Variants in CDKAL1 observed in about 807,000 individuals in gnomAD.
CDKAL1 encodes the protein threonylcarbamoyladenosine tRNA methylthiotransferase.
A neutral mutation model predicts 68.2 loss-of-function variants in CDKAL1; 32 were observed. The ratio of observed to expected loss-of-function variants is 0.47; its 90% CI spans 0.35 to 0.63. The LOEUF (loss-of-function observed/expected upper bound fraction) is 0.63. Among genes scored for constraint, CDKAL1 ranks in the 30% least tolerant of loss-of-function variants. The pLI is 0.00. For synonymous variants in CDKAL1, 234 were observed against 244.3 expected, an observed-to-expected ratio of 0.96 and a Z score of 0.39; for missense variants, 606 against 696.7, an observed-to-expected ratio of 0.87 and a Z score of 1.47.
intron 8 of CDKAL1, among the ~76,000 whole-genome samples, chr6:20,791,039 G>T (rs1193718511): frequency 6.6e-6 from 1 of 152,186 alleles, no homozygotes; most frequent in Non-Finnish European, 1.5e-5. Flanking sequence ...AATCCGGTCC[G>T]TGGATTTGAC....
At chr6:20,571,696 C>G (rs1764708481) in intron 4 of CDKAL1, among the ~76,000 whole-genome samples, 1 of 151,732 alleles carries the variant, frequency 6.6e-6, no homozygotes, top group Non-Finnish European at 1.5e-5. Context: ...AAATTACTCT[C>G]TAGACTGAGC....
chr6:21,129,577 G>T (rs892023349), intron 13 of CDKAL1, among the ~76,000 whole-genome samples: 1 of 148,656 alleles, frequency 6.7e-6, no homozygotes, highest in Admixed American at 6.8e-5. Flanking sequence ...GCTTCGATGT[G>T]TGTAGACTCA....
At chr6:20,840,321 G>T (rs1778124327) in intron 8 of CDKAL1, among the ~76,000 whole-genome samples, 1 of 152,026 alleles carries the variant, frequency 6.6e-6, no homozygotes, top group Non-Finnish European at 1.5e-5. Flanking sequence ...TTTTTTACAG[G>T]GATTGAGAGG....
chr6:20,872,880 T>G (rs1273542821), intron 9 of CDKAL1, among the ~76,000 whole-genome samples: 1 of 152,126 alleles, frequency 6.6e-6, no homozygotes, highest in Non-Finnish European at 1.5e-5. Context: ...TTTGAAAAAC[T>G]CGAGAATTTG....
At chr6:21,007,576 G>T (rs1767801831) in intron 11 of CDKAL1, among the ~76,000 whole-genome samples, 1 of 150,206 alleles carries the variant, frequency 6.7e-6, no homozygotes, top group Non-Finnish European at 1.5e-5. Context: ...CTTTTTACCA[G>T]TTCCAATAGC....
chr6:20,768,992 A>G (rs568451328), intron 7 of CDKAL1, among the ~76,000 whole-genome samples: 3 of 152,092 alleles, frequency 2.0e-5, no homozygotes, highest in Non-Finnish European at 2.9e-5. Flanking sequence ...TGCCATGGTA[A>G]GCCCCTGTTC....
chr6:20,584,783 G>A (rs919528167), intron 4 of CDKAL1, among the ~76,000 whole-genome samples: 4 of 152,174 alleles, frequency 2.6e-5, no homozygotes, highest in Non-Finnish European at 4.4e-5. Flanking sequence ...TAGTTATTTA[G>A]ACCTGCCGGA....
chr6:20,745,449 A>AT lies in CDKAL1; in HGVS notation c.468+5843dup, dbSNP rs902104708. 1.5e-4 allele frequency among the ~76,000 whole-genome samples: 23 copies of AT among 151,236 alleles called. No individual in the cohort carries two copies. In the East Asian group the frequency reaches 1.6e-3, roughly 10 times the overall value. ...CGAACATTTCTTCTTGCCATGTTCT[A>AT]TTTTTTTTTAACTTCCGTTGTCTAA... is the stretch of plus-strand genomic sequence containing the variant. On this transcript the variant is annotated intron_variant, in intron 6 of 15. Transcript: ENST00000274695.
At chr6:20,660,129 T>G (rs1439298278) in intron 5 of CDKAL1, among the ~76,000 whole-genome samples, 2 of 152,194 alleles carry the variant, frequency 1.3e-5, no homozygotes, top group Non-Finnish European at 2.9e-5. Flanking sequence ...ATCGCCCTTC[T>G]AAGCTTCACC....
intron 9 of CDKAL1, among the ~76,000 whole-genome samples, chr6:20,922,749 T>A (rs1259545438): frequency 6.6e-6 from 1 of 152,240 alleles, no homozygotes; most frequent in Non-Finnish European, 1.5e-5. Flanking sequence ...ATTTAAGTGG[T>A]AACCCATCAC....
intron 7 of CDKAL1, among the ~76,000 whole-genome samples, chr6:20,758,982 G>A (rs1774353382): frequency 6.6e-6 from 1 of 151,948 alleles, no homozygotes; most frequent in African/African-American, 2.4e-5. Flanking sequence ...GATCTCTGGG[G>A]GAGAAAGTCA....
chr6:20,585,685 A>C (rs762979676), intron 4 of CDKAL1, among the ~76,000 whole-genome samples: 2 of 151,934 alleles, frequency 1.3e-5, no homozygotes, highest in Non-Finnish European at 1.5e-5. Context: ...CCCCTTGCTT[A>C]TTGGTTCTCT....
intron 4 of CDKAL1, among the ~76,000 whole-genome samples, chr6:20,616,678 T>G (rs12528468): frequency 0.28 from 42,168 of 150,886 alleles, 6,426 homozygotes; most frequent in East Asian, 0.53. Context: ...AAGGAGATTT[T>G]GGGCTGAGAC....
At chr6:20,711,778 TGGTG>T (rs1771858456) in intron 5 of CDKAL1, among the ~76,000 whole-genome samples, 1 of 152,160 alleles carries the variant, frequency 6.6e-6, no homozygotes, top group African/African-American at 2.4e-5. Context: ...TTCGTTTGAG[TGGTG>T]ATATTGCTGT....
chr6:21,116,195 A>G (rs1283444042), intron 13 of CDKAL1, among the ~76,000 whole-genome samples: 3 of 152,148 alleles, frequency 2.0e-5, no homozygotes, highest in Non-Finnish European at 4.4e-5. Context: ...TTATTTTCTT[A>G]CTGTAACTGC....
chr6:21,228,420 A>G (rs1779832266), intron 15 of CDKAL1, among the ~76,000 whole-genome samples: 1 of 152,204 alleles, frequency 6.6e-6, no homozygotes, highest in Non-Finnish European at 1.5e-5. Context: ...GGAGAAATTA[A>G]TCAACCTCTT....
intron 4 of CDKAL1, among the ~76,000 whole-genome samples, chr6:20,642,298 C>T (rs191959665): frequency 7.3e-4 from 110 of 151,548 alleles, no homozygotes; most frequent in African/African-American, 2.5e-3. Flanking sequence ...TATGAAGAAA[C>T]GATAAAAAAG....
At chr6:20,535,957 G>A (rs886328025) in intron 2 of CDKAL1, among the ~76,000 whole-genome samples, 2 of 152,044 alleles carry the variant, frequency 1.3e-5, no homozygotes, top group African/African-American at 2.4e-5. Flanking sequence ...TTTGAGACAC[G>A]GCTTCCCTAT....
intron 12 of CDKAL1, among the ~76,000 whole-genome samples, chr6:21,103,077 T>C (rs1773662246): frequency 6.6e-6 from 1 of 152,238 alleles, no homozygotes; most frequent in South Asian, 2.1e-4. Flanking sequence ...TAAGAATCCG[T>C]ATGTAGAAAT....
Sources: gnomAD v4.1 joint callset for allele counts (sites outside exome capture counted in the v4.1 genomes callset) on GRCh38, gnomAD v4.1.1 for gene constraint, MANE v1.5 for transcripts, NCBI Gene and HGNC (gene_info 2026-07-23, HGNC 2026-07-21) for gene names.